GRK3: variants seen among roughly 807,000 people sequenced by gnomAD.
The protein encoded by GRK3 is adrenergic, beta, receptor kinase 2.
A neutral mutation model predicts 95.7 loss-of-function variants in GRK3; 54 were observed. The ratio of observed to expected loss-of-function variants is 0.56; its 90% CI spans 0.45 to 0.71. The LOEUF is 0.71. GRK3 is among the 30% of genes least tolerant of loss of function. GRK3 has a pLI of 0.00. For synonymous variants in GRK3, 281 were observed against 290.8 expected (o/e 0.97, Z 0.34); for missense variants, 649 against 851.2 (o/e 0.76, Z 2.96).
chr22:25,610,022 AT>A (rs111979204), intron 2 of GRK3, among the ~76,000 whole-genome samples: 2 of 148,494 alleles, frequency 1.3e-5, no homozygotes, highest in South Asian at 2.1e-4. Context: ...TAATTTTTGT[AT>A]TTTTTTTTAA....
At chr22:25,632,044 A>G (rs1239182243) in intron 2 of GRK3, among the ~76,000 whole-genome samples, 2 of 152,206 alleles carry the variant, frequency 1.3e-5, no homozygotes, top group Non-Finnish European at 2.9e-5. Flanking sequence ...TGTGACTATA[A>G]GAGCATACAT....
chr22:25,716,775 C>T (rs2085389277), intron 18 of GRK3, among the ~76,000 whole-genome samples: 1 of 152,188 alleles, frequency 6.6e-6, no homozygotes, highest in Admixed American at 6.5e-5. Context: ...CAGGGGTTCC[C>T]AACCCCCAGT....
intron 13 of GRK3, chr22:25,702,829 C>G: frequency 2.2e-6 from 1 of 456,042 alleles, no homozygotes; most frequent in South Asian, 1.5e-5. Context: ...GCGGCTTGAT[C>G]CCCGCTTTAC....
At chr22:25,565,201 G>A in intron 1 of GRK3, 48 bp downstream of exon 1, 1 of 1,040,986 alleles carries the variant, frequency 9.6e-7, no homozygotes, top group Non-Finnish European at 1.3e-6. Context: ...CGCCCCCTGC[G>A]GCCGCCAGCT....
intron 3 of GRK3, among the ~76,000 whole-genome samples, chr22:25,652,380 G>A (rs1356841765): frequency 6.6e-6 from 1 of 152,182 alleles, no homozygotes; most frequent in African/African-American, 2.4e-5. Flanking sequence ...GCAGGAAAAT[G>A]ATCCAGATGG....
At chr22:25,581,749 C>T (rs1932105767) in intron 1 of GRK3, among the ~76,000 whole-genome samples, 1 of 151,846 alleles carries the variant, frequency 6.6e-6, no homozygotes, top group Admixed American at 6.6e-5. Context: ...AAAGACTTCA[C>T]TGACTTATTC....
At chr22:25,637,484 T>G (rs917420165) in intron 2 of GRK3, among the ~76,000 whole-genome samples, 2 of 152,252 alleles carry the variant, frequency 1.3e-5, no homozygotes, top group Non-Finnish European at 2.9e-5. Context: ...CACAATCTAC[T>G]TATCTTCCTG....
intron 2 of GRK3, among the ~76,000 whole-genome samples, chr22:25,617,880 G>A (rs1241499923): frequency 1.3e-5 from 2 of 152,090 alleles, no homozygotes; most frequent in South Asian, 2.1e-4. Flanking sequence ...GGGTTCAAGC[G>A]ATTCTCGTAC....
At chr22:25,591,757 G>C (rs1215534706) in intron 1 of GRK3, among the ~76,000 whole-genome samples, 1 of 151,802 alleles carries the variant, frequency 6.6e-6, no homozygotes, top group Admixed American at 6.6e-5. Context: ...TACTTTTTTG[G>C]GGGGTCTGGC....
At chr22:25,614,524 C>G (rs531919534) in intron 2 of GRK3, among the ~76,000 whole-genome samples, 1 of 152,162 alleles carries the variant, frequency 6.6e-6, no homozygotes, top group South Asian at 2.1e-4. Flanking sequence ...ATTGGATTTA[C>G]TATTAGTTTA....
In GRK3 at chr22:25,678,899, CTCTT is replaced by C. The variant is rs2085053229; in HGVS notation, c.732_735del (p.Leu245SerfsTer12). On this transcript the variant is annotated frameshift_variant, in exon 9 of 21. Coordinates refer to ENST00000324198, the MANE Select transcript of GRK3 (RefSeq NM_005160.4). LOFTEE classifies it high-confidence loss of function. ...GCCTTAAATGAAAGAATCATGTTGT[CTCTT>C]GTCAGCACAGGAGTAAGTATTCAAT... 1 of 1,598,092 alleles carries C rather than the reference CTCTT, an allele frequency of 6.3e-7. No individual in the cohort carries two copies. The highest frequency in any genetic ancestry group is 8.6e-7 in the Non-Finnish European group (1 of 1,168,474).
At chr22:25,664,424 G>A (rs1021732548) in intron 5 of GRK3, among the ~76,000 whole-genome samples, 1 of 151,662 alleles carries the variant, frequency 6.6e-6, no homozygotes, top group African/African-American at 2.4e-5. Flanking sequence ...GAATGTCATT[G>A]AGTAATATAA....
At chr22:25,681,526 T>C (rs771687813) in intron 9 of GRK3, among the ~76,000 whole-genome samples, 5 of 151,572 alleles carry the variant, frequency 3.3e-5, no homozygotes, top group Non-Finnish European at 7.4e-5. Flanking sequence ...AAGACAAAGC[T>C]GGAGAGAGAC....
At chr22:25,620,006 T>TGTGTG (rs1555918885) in intron 2 of GRK3, among the ~76,000 whole-genome samples, 119 of 90,310 alleles carry the variant, frequency 1.3e-3, no homozygotes, top group East Asian at 7.3e-3. Flanking sequence ...TTTGTCTTTT[T>TGTGTG]TGTGTGTGTG....
At chr22:25,568,589 C>G (rs545476871) in intron 1 of GRK3, among the ~76,000 whole-genome samples, 1 of 152,282 alleles carries the variant, frequency 6.6e-6, no homozygotes, top group African/African-American at 2.4e-5. Context: ...GACATTAATT[C>G]AGTACATAGT....
intron 1 of GRK3, among the ~76,000 whole-genome samples, chr22:25,589,552 C>T (rs1169744513): frequency 2.6e-5 from 4 of 152,090 alleles, no homozygotes; most frequent in African/African-American, 9.7e-5. Context: ...ATATACATAA[C>T]TCTTATTTTG....
intron 8 of GRK3, among the ~76,000 whole-genome samples, chr22:25,676,409 C>T (rs908394372): frequency 6.6e-6 from 1 of 152,044 alleles, no homozygotes; most frequent in African/African-American, 2.4e-5. Flanking sequence ...TAAATAATAT[C>T]GGCCGGGCGC....
intron 9 of GRK3, 141 bp downstream of exon 9, chr22:25,679,056 G>T (rs1346941016): frequency 5.6e-6 from 3 of 533,296 alleles, no homozygotes; most frequent in Non-Finnish European, 6.6e-6. Context: ...CTCTTTATTT[G>T]ATTTTGCAAG....
intron 13 of GRK3, among the ~76,000 whole-genome samples, chr22:25,699,571 C>T (rs2085239729): frequency 6.6e-6 from 1 of 152,206 alleles, no homozygotes; most frequent in Non-Finnish European, 1.5e-5. Flanking sequence ...TAAATGTCAA[C>T]AGTGCCGAGG....
Sources: gnomAD v4.1 joint callset for allele counts (sites outside exome capture counted in the v4.1 genomes callset) on GRCh38, gnomAD v4.1.1 for gene constraint, MANE v1.5 for transcripts, NCBI Gene and HGNC (gene_info 2026-07-23, HGNC 2026-07-21) for gene names.